The following PCDH11Y variants were observed in gnomAD, a reference collection of about 807,000 sequenced individuals.
PCDH11Y encodes protocadherin 11 Y-linked.
For synonymous variants in PCDH11Y, 9 were observed against 83.6 expected, an observed-to-expected ratio of 0.11 and a Z score of 4.87; for missense variants, 12 against 224.8, an observed-to-expected ratio of 0.05 and a Z score of 6.05.
intron 2 of PCDH11Y, among the ~76,000 whole-genome samples, chrY:5,134,328 T>C: frequency 1.5e-4 from 5 of 32,903 alleles, no homozygotes; most frequent in Non-Finnish European, 3.7e-4. Context: ...CTTTCCATCA[T>C]GGATGCCTTT....
intron 2 of PCDH11Y, among the ~76,000 whole-genome samples, chrY:5,435,387 C>A: frequency 3.7e-5 from 1 of 26,753 alleles, no homozygotes; most frequent in Non-Finnish European, 8.7e-5. Context: ...AATCTCGGCT[C>A]ACTGCGAGCT....
At chrY:5,368,448 G>A in intron 2 of PCDH11Y, among the ~76,000 whole-genome samples, 1 of 34,179 alleles carries the variant, frequency 2.9e-5, no homozygotes, top group Non-Finnish European at 7.3e-5. Context: ...ACGTGGTGTT[G>A]AGCCTGTGGG....
intron 3 of PCDH11Y, among the ~76,000 whole-genome samples, chrY:5,506,076 G>T: frequency 3.2e-5 from 1 of 30,986 alleles, no homozygotes; most frequent in Non-Finnish European, 7.9e-5. Flanking sequence ...AAAACATTAG[G>T]AGTCAGTTGT....
intron 2 of PCDH11Y, among the ~76,000 whole-genome samples, chrY:5,431,169 A>G (rs1602924352): frequency 6.0e-5 from 2 of 33,578 alleles, no homozygotes; most frequent in South Asian, 1.3e-3. Flanking sequence ...TCAAGGGGGA[A>G]AAAAACAGAA....
intron 2 of PCDH11Y, among the ~76,000 whole-genome samples, chrY:5,366,690 G>A (rs2053180222): frequency 3.2e-5 from 1 of 31,045 alleles, no homozygotes; most frequent in Non-Finnish European, 7.8e-5. Context: ...ATGTAGACTA[G>A]GTGCTTCAGG....
At chrY:5,521,573 T>C in intron 3 of PCDH11Y, among the ~76,000 whole-genome samples, 1 of 31,804 alleles carries the variant, frequency 3.1e-5, no homozygotes, top group Non-Finnish European at 7.6e-5. Context: ...CATCTTAGCA[T>C]GTTTTAACAT....
chrY:5,395,473 G>A, intron 2 of PCDH11Y, among the ~76,000 whole-genome samples: 1 of 32,001 alleles, frequency 3.1e-5, no homozygotes, highest in Non-Finnish European at 7.6e-5. Context: ...ATGCTTGTCT[G>A]GCCAAACAGT....
intron 2 of PCDH11Y, among the ~76,000 whole-genome samples, chrY:5,185,396 T>C (rs2571846): frequency 6.1e-5 from 2 of 32,818 alleles, no homozygotes. Context: ...AGGTCTTATA[T>C]TGAAGTCTTT....
At chrY:5,106,147 CTATT>C (rs2052791946), downstream of PCDH11Y, among the ~76,000 whole-genome samples, 2 of 33,173 alleles carry the variant, frequency 6.0e-5, no homozygotes, top group Admixed American at 2.8e-4. Context: ...TATTCTTAAA[CTATT>C]TATGACTTAC....
intron 3 of PCDH11Y, among the ~76,000 whole-genome samples, chrY:5,511,979 T>C: frequency 3.1e-5 from 1 of 32,707 alleles, no homozygotes; most frequent in East Asian, 8.0e-4. Context: ...AAGCATTCTA[T>C]TGGAGTGGGA....
At chrY:5,454,061 A>G in intron 2 of PCDH11Y, among the ~76,000 whole-genome samples, 1 of 33,195 alleles carries the variant, frequency 3.0e-5, no homozygotes, top group East Asian at 7.9e-4. Flanking sequence ...ATTCTCATCT[A>G]GAGATGTGTT....
At chrY:5,547,714 C>A in intron 3 of PCDH11Y, among the ~76,000 whole-genome samples, 1 of 32,436 alleles carries the variant, frequency 3.1e-5, no homozygotes, top group African/African-American at 1.2e-4. Context: ...CTTGACTGGT[C>A]ACCTAGGTCG....
chrY:5,690,615 G>A (rs2557294), intron 4 of PCDH11Y, among the ~76,000 whole-genome samples: 3 of 31,849 alleles, frequency 9.4e-5, no homozygotes, highest in East Asian at 7.8e-4. Flanking sequence ...ATTAAATATC[G>A]AATTAGTATT....
chrY:5,684,847 G>T, intron 4 of PCDH11Y, among the ~76,000 whole-genome samples: 1 of 31,693 alleles, frequency 3.2e-5, no homozygotes, highest in Non-Finnish European at 7.8e-5. Flanking sequence ...AGTGGGGTTT[G>T]GGGGGAATGC....
downstream of PCDH11Y, chrY:5,104,226 T>A: frequency 3.0e-6 from 1 of 336,322 alleles, no homozygotes; most frequent in East Asian, 1.0e-4. Context: ...ATTCAGTAAC[T>A]TTGATTCTGC....
At chrY:5,031,864 T>C in intron 1 of PCDH11Y, 1 of 33,695 alleles carries the variant, frequency 3.0e-5, no homozygotes, top group Admixed American at 2.7e-4. Context: ...TTTAGATTTA[T>C]GGTTTCTTGA....
At position 5,137,871 on chromosome Y, in the gene PCDH11Y, G is replaced by A. The variant is rs2052842813; in HGVS notation, c.3129+37164G>A. ...TGCCAGCACTAGACAGGTCATCGAG[G>A]CAAAAAATCAAAAATAAACAGTGAA... On this transcript the variant is annotated intron_variant, in intron 2 of 4. Coordinates refer to the PCDH11Y transcript ENST00000400457. Among the ~76,000 whole-genome samples, 3 of 32,767 alleles carry A rather than the reference G, an allele frequency of 9.2e-5. No homozygotes were observed. In the South Asian group the frequency reaches 2.0e-3, roughly 22 times the overall value. The allele number at this position is 32,767 out of a possible 37,273, so 87.9% of individuals were successfully genotyped here.
At chrY:5,679,157 G>A (rs2053555990) in intron 4 of PCDH11Y, among the ~76,000 whole-genome samples, 2 of 32,920 alleles carry the variant, frequency 6.1e-5, no homozygotes, top group African/African-American at 1.2e-4. Context: ...GCAGACACCA[G>A]CTGGGGCAGC....
downstream of PCDH11Y, among the ~76,000 whole-genome samples, chrY:5,107,786 G>A: frequency 3.0e-5 from 1 of 33,419 alleles, no homozygotes; most frequent in African/African-American, 1.2e-4. Context: ...TCGGCCGGGT[G>A]TGGTGGCTCA....
Sources: gnomAD v4.1 joint callset for allele counts (sites outside exome capture counted in the v4.1 genomes callset) on GRCh38, gnomAD v4.1.1 for gene constraint, MANE v1.5 for transcripts, NCBI Gene and HGNC (gene_info 2026-07-23, HGNC 2026-07-21) for gene names.